Variants in C11orf65 observed in about 807,000 individuals in gnomAD.
C11orf65 encodes the protein protein MFI.
C11orf65 carries 38 observed loss-of-function variants against 35.3 expected under a neutral mutation model. That is an observed-to-expected ratio of 1.08 (90% confidence interval 0.83 to 1.41). The LOEUF (loss-of-function observed/expected upper bound fraction) is 1.41. Among genes scored for constraint, C11orf65 ranks in the 40% most tolerant of loss-of-function variants. The pLI, the probability that C11orf65 is intolerant of heterozygous loss-of-function variation, is 0.00. For synonymous variants in C11orf65, 105 were observed against 114.4 expected, an observed-to-expected ratio of 0.92 and a Z score of 0.53; for missense variants, 370 against 367.1, an observed-to-expected ratio of 1.01 and a Z score of -0.06.
intron 2 of C11orf65, chr11:108,369,181 G>T: frequency 6.4e-6 from 1 of 156,834 alleles, no homozygotes; most frequent in African/African-American, 2.4e-5. Flanking sequence ...GGAGAAAGCA[G>T]TGAGCAAGGC....
At chr11:108,346,039 C>A in intron 2 of C11orf65, 1 of 953,744 alleles carries the variant, frequency 1.0e-6, no homozygotes, top group Non-Finnish European at 1.6e-6. Context: ...AGTAACCAAC[C>A]CATCTTCATT....
chr11:108,330,762 G>A (rs535819767), downstream of C11orf65, among the ~76,000 whole-genome samples: 45 of 152,256 alleles, frequency 3.0e-4, no homozygotes, highest in African/African-American at 1.1e-3. Flanking sequence ...GATTTAGAAA[G>A]CAGTTAAAGA....
intron 2 of C11orf65, among the ~76,000 whole-genome samples, chr11:108,442,741 G>C (rs192440957): frequency 6.6e-6 from 1 of 152,084 alleles, no homozygotes; most frequent in Admixed American, 6.6e-5. Flanking sequence ...CATCAGTGAA[G>C]GAAAAATAAA....
chr11:108,414,400 T>G (rs1211984632), intron 3 of C11orf65, among the ~76,000 whole-genome samples: 10 of 151,846 alleles, frequency 6.6e-5, no homozygotes, highest in Admixed American at 6.6e-4. Flanking sequence ...GCATGGACAC[T>G]AAAAAGGATA....
At chr11:108,435,561 T>A (rs2093048898) in intron 2 of C11orf65, among the ~76,000 whole-genome samples, 1 of 152,102 alleles carries the variant, frequency 6.6e-6, no homozygotes, top group African/African-American at 2.4e-5. Context: ...TTTGCGTCAT[T>A]CCCTTCCTCC....
chr11:108,379,819 G>T (rs2091828763), downstream of C11orf65, among the ~76,000 whole-genome samples: 2 of 151,932 alleles, frequency 1.3e-5, no homozygotes. Flanking sequence ...CCTCAAGCAG[G>T]ACTTGGTGAT....
chr11:108,440,453 C>T (rs1054784048), intron 2 of C11orf65, among the ~76,000 whole-genome samples: 33 of 152,168 alleles, frequency 2.2e-4, no homozygotes, highest in African/African-American at 8.0e-4. Flanking sequence ...TATCAAGGAC[C>T]TGCATTCTAG....
chr11:108,435,527 G>A (rs2093048434), intron 2 of C11orf65, among the ~76,000 whole-genome samples: 1 of 152,064 alleles, frequency 6.6e-6, no homozygotes, highest in South Asian at 2.1e-4. Flanking sequence ...ATTGTTAAAG[G>A]TCTAGCCCCT....
At chr11:108,369,882 T>C (rs192077278) in intron 2 of C11orf65, among the ~76,000 whole-genome samples, 1 of 152,306 alleles carries the variant, frequency 6.6e-6, no homozygotes, top group East Asian at 1.9e-4. Flanking sequence ...TGTTTTAGTA[T>C]ACACTTGTTA....
intron 6 of C11orf65, chr11:108,310,442 T>C (rs1352841701): frequency 1.1e-6 from 1 of 906,852 alleles, no homozygotes; most frequent in African/African-American, 1.7e-5. Context: ...AAATTTTGTT[T>C]TAAAGTGAAA....
At chr11:108,339,115 T>C (rs1049983003) in intron 2 of C11orf65, among the ~76,000 whole-genome samples, 4 of 152,230 alleles carry the variant, frequency 2.6e-5, no homozygotes, top group Non-Finnish European at 4.4e-5. Context: ...ACAGTTCTTA[T>C]TGTGTATGTT....
intron 2 of C11orf65, among the ~76,000 whole-genome samples, chr11:108,375,402 T>G (rs227084): frequency 0.26 from 37,965 of 145,418 alleles, 5,605 homozygotes; most frequent in Middle Eastern, 0.53. Context: ...ATCAGTGAAG[T>G]AGAAATAAAA....
rs147191816 is a variant in C11orf65, at chr11:108,451,002, G to A, written c.81+10477C>T. Reference sequence around the variant, plus strand: ...TCAATAAACTAGGTACTGATGGGACGTGTTTCAAAATAATAACAGCTATTT... The same window carrying A: ...TCAATAAACTAGGTACTGATGGGACATGTTTCAAAATAATAACAGCTATTT... On this transcript the variant is annotated intron_variant, in intron 2 of 8. Coordinates refer to ENST00000393084, the MANE Select transcript of C11orf65 (RefSeq NM_152587.5). 2.9e-3 allele frequency among the ~76,000 whole-genome samples: 433 copies of A among 151,900 alleles called. 9 individuals carry two copies. Among genetic ancestry groups the A allele is most frequent in the African/African-American group, 0.01 (419 of 41,296 alleles).
intron 3 of C11orf65, among the ~76,000 whole-genome samples, chr11:108,425,970 A>G (rs1018845991): frequency 9.2e-5 from 14 of 152,222 alleles, no homozygotes; most frequent in African/African-American, 3.1e-4. Flanking sequence ...AAAACTTTCA[A>G]TAAACTAGGT....
chr11:108,415,214 ACTGT>A (rs756547672), intron 3 of C11orf65, among the ~76,000 whole-genome samples: 2 of 152,152 alleles, frequency 1.3e-5, no homozygotes, highest in Non-Finnish European at 2.9e-5. Flanking sequence ...GAGAAAAAGA[ACTGT>A]CTTTGTTCTC....
At chr11:108,396,855 AAATAAATAAATAAAT>A (rs2092320515) in intron 6 of C11orf65, among the ~76,000 whole-genome samples, 1 of 143,662 alleles carries the variant, frequency 7.0e-6, no homozygotes, top group Non-Finnish European at 1.5e-5. Flanking sequence ...ATAAATAAAT[AAATAAATAAATAAAT>A]AAATAAAATA....
chr11:108,359,956 C>A (rs1169891219), intron 2 of C11orf65, among the ~76,000 whole-genome samples: 2 of 151,788 alleles, frequency 1.3e-5, no homozygotes, highest in Non-Finnish European at 2.9e-5. Flanking sequence ...CAGAGCAGAA[C>A]TGAAGGAAAT....
chr11:108,344,963 C>T (rs1437736719), intron 2 of C11orf65, among the ~76,000 whole-genome samples: 2 of 151,986 alleles, frequency 1.3e-5, no homozygotes, highest in Admixed American at 6.6e-5. Flanking sequence ...TGATCACACC[C>T]CTGCACTCCA....
chr11:108,389,074 C>T (rs565634800), intron 7 of C11orf65, among the ~76,000 whole-genome samples: 2 of 152,378 alleles, frequency 1.3e-5, no homozygotes, highest in African/African-American at 2.4e-5. Context: ...GTGTTCAAGG[C>T]ATTTATGCCA....
Sources: allele counts gnomAD v4.1 joint callset (sites outside exome capture counted in the v4.1 genomes callset), GRCh38; gene constraint gnomAD v4.1.1; transcripts MANE v1.5; gene names NCBI Gene and HGNC (gene_info 2026-07-23, HGNC 2026-07-21).